SH3RF3: variants seen among roughly 807,000 people sequenced by gnomAD.
SH3RF3 encodes the protein SH3 domain containing ring finger 3.
In SH3RF3, 29 loss-of-function variants were observed where a neutral mutation model predicts 66.3. The ratio of observed to expected loss-of-function variants is 0.44; its 90% CI spans 0.33 to 0.60. The LOEUF (loss-of-function observed/expected upper bound fraction) is 0.60, where lower values mean the gene tolerates loss of function less well. SH3RF3 is among the 20% of genes least tolerant of loss of function. The pLI is 0.04. For missense variants in SH3RF3, 1,194 were observed against 1,190.9 expected, an observed-to-expected ratio of 1.00 and a Z score of -0.04; for synonymous variants, 583 against 532.0, an observed-to-expected ratio of 1.10 and a Z score of -1.32.
intron 1 of SH3RF3, among the ~76,000 whole-genome samples, chr2:109,295,482 G>C (rs1345153674): frequency 6.6e-6 from 1 of 152,232 alleles, no homozygotes; most frequent in Non-Finnish European, 1.5e-5. Context: ...GGTGAGGCTG[G>C]GAAAGGAAGC....
intron 1 of SH3RF3, among the ~76,000 whole-genome samples, chr2:109,215,361 G>C (rs967263590): frequency 6.6e-6 from 1 of 152,188 alleles, no homozygotes; most frequent in Non-Finnish European, 1.5e-5. Context: ...CACCAGAGAA[G>C]GGAGGGTGCA....
At chr2:109,369,205 G>A (rs1177596752) in intron 2 of SH3RF3, among the ~76,000 whole-genome samples, 5 of 151,502 alleles carry the variant, frequency 3.3e-5, no homozygotes, top group East Asian at 1.9e-4. Flanking sequence ...AAAATTAGCC[G>A]GGAGTGGTGG....
chr2:109,259,889 A>T (rs996309734), intron 1 of SH3RF3, among the ~76,000 whole-genome samples: 5 of 152,028 alleles, frequency 3.3e-5, no homozygotes, highest in Non-Finnish European at 7.4e-5. Context: ...GGCTCTGGAA[A>T]CTGTCAGTCA....
intron 2 of SH3RF3, among the ~76,000 whole-genome samples, chr2:109,364,283 G>A (rs1683114504): frequency 6.6e-6 from 1 of 151,886 alleles, no homozygotes; most frequent in Admixed American, 6.6e-5. Context: ...GCACGTCGAA[G>A]GCATTCTTCA....
chr2:109,219,189 G>A (rs1041346701), intron 1 of SH3RF3, among the ~76,000 whole-genome samples: 3 of 152,338 alleles, frequency 2.0e-5, no homozygotes, highest in African/African-American at 2.4e-5. Flanking sequence ...TGGAGCATGG[G>A]AGGATCCTGA....
At position 109,393,134 on chromosome 2, in the gene SH3RF3, C is replaced by T. The variant is rs117363982; in HGVS notation, c.946-5456C>T. Among the ~76,000 whole-genome samples the T allele has an allele frequency of 7.3e-3, 1,108 of 152,350 alleles. 12 individuals carry two copies. Among genetic ancestry groups the T allele is most frequent in the East Asian group, 0.052 (269 of 5,188 alleles). On this transcript the variant is annotated intron_variant, in intron 3 of 9. Transcript: ENST00000309415. ...CTTCAGGCAGGCAAAGGCCATTCTTCATCTGCTCCTGAGTTTTTGAAGCTT... is the reference window on the plus strand; with the variant it reads ...CTTCAGGCAGGCAAAGGCCATTCTTTATCTGCTCCTGAGTTTTTGAAGCTT...
At chr2:109,307,237 A>G (rs1169190642) in intron 1 of SH3RF3, among the ~76,000 whole-genome samples, 1 of 152,242 alleles carries the variant, frequency 6.6e-6, no homozygotes, top group East Asian at 1.9e-4. Flanking sequence ...CTTTTTGCAC[A>G]TTGGACTTGT....
intron 1 of SH3RF3, among the ~76,000 whole-genome samples, chr2:109,334,146 C>T (rs1167398613): frequency 1.3e-5 from 2 of 152,090 alleles, no homozygotes; most frequent in East Asian, 1.9e-4. Flanking sequence ...ACTGTTTGAG[C>T]CCACAAGTTC....
intron 1 of SH3RF3, among the ~76,000 whole-genome samples, chr2:109,202,366 T>A (rs1427375111): frequency 6.6e-6 from 1 of 152,174 alleles, no homozygotes; most frequent in East Asian, 1.9e-4. Flanking sequence ...CTTTCCACTC[T>A]CTGTTTGAGA....
chr2:109,156,966 A>G (rs889291050), intron 1 of SH3RF3, among the ~76,000 whole-genome samples: 1 of 152,218 alleles, frequency 6.6e-6, no homozygotes, highest in African/African-American at 2.4e-5. Flanking sequence ...TAAGGTTAAT[A>G]AAGGTTTTTA....
At chr2:109,456,851 G>C (rs1191681746) in intron 8 of SH3RF3, among the ~76,000 whole-genome samples, 1 of 152,228 alleles carries the variant, frequency 6.6e-6, no homozygotes, top group Non-Finnish European at 1.5e-5. Flanking sequence ...GCTACTGCTA[G>C]TCAGCTTCTC....
At chr2:109,333,835 C>T (rs990614337) in intron 1 of SH3RF3, among the ~76,000 whole-genome samples, 3 of 152,050 alleles carry the variant, frequency 2.0e-5, no homozygotes, top group Admixed American at 6.5e-5. Flanking sequence ...ATAATAATAT[C>T]TCCATTATAA....
chr2:109,504,262 TTGGG>T lies in SH3RF3; in HGVS notation c.*2592_*2595del, dbSNP rs1679472325. 1 of 152,240 alleles carries T rather than the reference TTGGG, an allele frequency of 6.6e-6. No individual in the cohort carries two copies. The highest frequency in any genetic ancestry group is 1.9e-4 in the East Asian group (1 of 5,180). 9.4% of individuals were successfully genotyped at this position (152,240 alleles called of 1,614,324 possible). A position where few individuals can be genotyped will look rare whatever the true frequency, so the allele number is the denominator to read the frequency against. On this transcript the variant is annotated 3_prime_UTR_variant, in exon 10 of 10. Transcript: ENST00000309415. ...TACACATCTTAGCCATGTAGTGGCCTTGGGGGGCCACAGAGATTTCCTTTGAGGA... is the reference window on the plus strand; with the variant it reads ...TACACATCTTAGCCATGTAGTGGCCTGGGCCACAGAGATTTCCTTTGAGGA...
chr2:109,471,706 C>G (rs1476963014), intron 8 of SH3RF3, among the ~76,000 whole-genome samples: 1 of 152,234 alleles, frequency 6.6e-6, no homozygotes, highest in African/African-American at 2.4e-5. Flanking sequence ...TTCTTTTCCA[C>G]TCACCCCCTT....
At chr2:109,286,528 C>G (rs1681034065) in intron 1 of SH3RF3, among the ~76,000 whole-genome samples, 1 of 152,208 alleles carries the variant, frequency 6.6e-6, no homozygotes, top group Non-Finnish European at 1.5e-5. Context: ...GACCAAGTCA[C>G]TAAAACCCCA....
At chr2:109,386,108 A>G (rs1203013355) in intron 3 of SH3RF3, among the ~76,000 whole-genome samples, 1 of 152,220 alleles carries the variant, frequency 6.6e-6, no homozygotes, top group Non-Finnish European at 1.5e-5. Context: ...TCTGGAAGCT[A>G]AGGAACGTGC....
chr2:109,452,954 G>T (rs1465033181), intron 8 of SH3RF3, among the ~76,000 whole-genome samples: 2 of 149,046 alleles, frequency 1.3e-5, no homozygotes, highest in Admixed American at 1.3e-4. Context: ...CCGGGAGGCT[G>T]GTCCCTGGGA....
At chr2:109,371,001 T>G (rs955131175) in intron 2 of SH3RF3, among the ~76,000 whole-genome samples, 21 of 152,244 alleles carry the variant, frequency 1.4e-4, no homozygotes, top group African/African-American at 4.3e-4. Context: ...TTTCATTAAA[T>G]AAATAATAGG....
At chr2:109,161,652 T>C (rs1677493010) in intron 1 of SH3RF3, among the ~76,000 whole-genome samples, 1 of 151,916 alleles carries the variant, frequency 6.6e-6, no homozygotes, top group Non-Finnish European at 1.5e-5. Context: ...CTACTTCTGC[T>C]TGTGGAAGGC....
Sources: gnomAD v4.1 joint callset for allele counts (sites outside exome capture counted in the v4.1 genomes callset) on GRCh38, gnomAD v4.1.1 for gene constraint, MANE v1.5 for transcripts, NCBI Gene and HGNC (gene_info 2026-07-23, HGNC 2026-07-21) for gene names.